CRCP: variants seen among roughly 807,000 people sequenced by gnomAD.
CRCP encodes DNA-directed RNA polymerase III subunit RPC9.
In CRCP, 18 loss-of-function variants were observed where a neutral mutation model predicts 18.5. That is an observed-to-expected ratio of 0.97 (90% CI 0.67 to 1.44). The LOEUF is 1.44. Among genes scored for constraint, CRCP ranks in the 40% most tolerant of loss-of-function variants. The pLI, the probability that CRCP is intolerant of heterozygous loss-of-function variation, is 0.00. For missense variants in CRCP, 130 were observed against 176.4 expected, an observed-to-expected ratio of 0.74 and a Z score of 1.49; for synonymous variants, 53 against 62.9, an observed-to-expected ratio of 0.84 and a Z score of 0.75.
At chr7:66,129,459 A>G (rs1787722901) in intron 2 of CRCP, among the ~76,000 whole-genome samples, 1 of 152,108 alleles carries the variant, frequency 6.6e-6, no homozygotes, top group African/African-American at 2.4e-5. Context: ...TGACCACTGT[A>G]CTCCAGTCTG....
At chr7:66,142,784 A>C (rs1788178923) in intron 4 of CRCP, among the ~76,000 whole-genome samples, 2 of 152,302 alleles carry the variant, frequency 1.3e-5, no homozygotes, top group East Asian at 3.9e-4. Context: ...GATGTGAGCC[A>C]CCGTGCCTGG....
At chr7:66,119,738 CAT>C (rs1787375837) in intron 1 of CRCP, 1 of 152,218 alleles carries the variant, frequency 6.6e-6, no homozygotes, top group South Asian at 2.1e-4. Context: ...ACCAACTTGT[CAT>C]ATCTGATGCA....
At chr7:66,128,072 G>A (rs566092882) in intron 2 of CRCP, among the ~76,000 whole-genome samples, 1 of 147,230 alleles carries the variant, frequency 6.8e-6, no homozygotes, top group South Asian at 2.1e-4. Context: ...ACTAAGATGT[G>A]CCACTGCACT....
chr7:66,121,859 A>G (rs188202070), intron 1 of CRCP, among the ~76,000 whole-genome samples: 1 of 152,286 alleles, frequency 6.6e-6, no homozygotes, highest in East Asian at 1.9e-4. Flanking sequence ...GGTAATAGGT[A>G]CTATAACAAC....
chr7:66,119,948 T>C (rs1787384554), intron 1 of CRCP, among the ~76,000 whole-genome samples: 2 of 152,084 alleles, frequency 1.3e-5, no homozygotes, highest in Non-Finnish European at 2.9e-5. Flanking sequence ...TTTGGGAGGC[T>C]GAGTGGGGCG....
At position 66,130,731 on chromosome 7, in the gene CRCP, T is replaced by C. The variant is rs575570022; in HGVS notation, c.46-13T>C. ...AATTTATTCATAAACGTCTTTTTTGTATCTCCTCCTAGGTATTTCAGTTAC... is the reference window on the plus strand; with the variant it reads ...AATTTATTCATAAACGTCTTTTTTGCATCTCCTCCTAGGTATTTCAGTTAC... On this transcript the variant is annotated splice_polypyrimidine_tract_variant and intron_variant, in intron 2 of 5. Transcript: ENST00000395326. The C allele has an allele frequency of 1.2e-4, 185 of 1,506,194 alleles. 2 individuals carry two copies. The South Asian group carries it at 1.9e-3, about 16-fold the overall frequency. The allele number at this position is 1,506,194 out of a possible 1,614,324, so 93.3% of individuals were successfully genotyped here.
chr7:66,136,906 C>T (rs1787986697), intron 4 of CRCP, among the ~76,000 whole-genome samples: 2 of 151,346 alleles, frequency 1.3e-5, no homozygotes, highest in African/African-American at 2.4e-5. Flanking sequence ...GGTGAAACCC[C>T]GTCTCTACTA....
At position 66,134,359 on chromosome 7, in the gene CRCP, G is replaced by A. The variant is rs1202882520; in HGVS notation, c.224G>A (p.Ser75Asn). Reference sequence around the variant, plus strand: ...AGAGAATTTCTCACAGCATTGAAAAGCCACAAGTTGACCAAGTAAGTAAAT... The same window carrying A: ...AGAGAATTTCTCACAGCATTGAAAAACCACAAGTTGACCAAGTAAGTAAAT... ...IVREFLTALK[S>N]HKLTKAEKLQ... is the part of the protein sequence containing the mutation. Residue 75 changes from serine (S) to asparagine (N), a missense_variant, in exon 4 of 6, where the codon AGC (serine) becomes AAC (asparagine). Coordinates refer to ENST00000395326, the MANE Select transcript of CRCP (RefSeq NM_014478.5). 2 of 1,606,654 alleles carry A rather than the reference G, an allele frequency of 1.2e-6. No individual in the cohort carries two copies. The highest frequency in any genetic ancestry group is 1.1e-5 in the South Asian group (1 of 90,398).
intron 2 of CRCP, among the ~76,000 whole-genome samples, 187 bp from the exon 3 acceptor site, chr7:66,130,557 G>T (rs1212992691): frequency 6.6e-6 from 1 of 152,112 alleles, no homozygotes; most frequent in African/African-American, 2.4e-5. Flanking sequence ...TTATATAAAA[G>T]AACATTTTTT....
chr7:66,119,062 C>A (rs147970296), intron 1 of CRCP, among the ~76,000 whole-genome samples: 1 of 152,152 alleles, frequency 6.6e-6, no homozygotes, highest in Non-Finnish European at 1.5e-5. Context: ...CTGCCCCTTA[C>A]CCAGTAGGAA....
chr7:66,117,699 G>A (rs1040382127), intron 1 of CRCP, among the ~76,000 whole-genome samples: 1 of 152,114 alleles, frequency 6.6e-6, no homozygotes, highest in Non-Finnish European at 1.5e-5. Context: ...GTAATGATTG[G>A]AACATGTCGC....
chr7:66,134,432 A>C, intron 4 of CRCP, 58 bp downstream of exon 4: 1 of 1,166,212 alleles, frequency 8.6e-7, no homozygotes, highest in Non-Finnish European at 1.3e-6. Flanking sequence ...TAGTTGCTAC[A>C]TTCGTAGCAA....
intron 4 of CRCP, 97 bp downstream of exon 4, chr7:66,134,471 A>T (rs1222295804): frequency 2.3e-6 from 2 of 876,482 alleles, no homozygotes; most frequent in Non-Finnish European, 3.7e-6. Context: ...CTGGGTTTGG[A>T]TTTAAAGAAG....
At chr7:66,127,913 C>T (rs1483635505) in intron 2 of CRCP, among the ~76,000 whole-genome samples, 173 bp downstream of exon 2, 2 of 152,048 alleles carry the variant, frequency 1.3e-5, no homozygotes, top group African/African-American at 2.4e-5. Context: ...GAGTTCAAAA[C>T]TAGCCTGGCC....
chr7:66,134,249 T>C, intron 3 of CRCP, 31 bp from the exon 4 acceptor site: 1 of 1,446,548 alleles, frequency 6.9e-7, no homozygotes, highest in Non-Finnish European at 9.4e-7. Flanking sequence ...GTCTTATGCT[T>C]GGCTTTTTTC....
At position 66,152,607 on chromosome 7, in the gene CRCP, G is replaced by T. The variant is rs114209437; in HGVS notation, c.*250G>T. The T allele has an allele frequency of 2.1e-4, 101 of 478,760 alleles. No homozygotes were observed. Among genetic ancestry groups the T allele is most frequent in the African/African-American group, 1.9e-3 (96 of 51,340 alleles). The allele number at this position is 478,760 out of a possible 1,614,324, so 29.7% of individuals were successfully genotyped here. On this transcript the variant is annotated 3_prime_UTR_variant, in exon 6 of 6. Coordinates refer to ENST00000395326, the MANE Select transcript of CRCP (RefSeq NM_014478.5). ...GGGGACAGTGACCGCGGACCCCTCT[G>T]TGCTTGAAAGATTTCCTCCACGGCC...
chr7:66,150,356 A>AACTCTGTCTCAAAAAAAAAAAC (rs1554334963), intron 5 of CRCP, among the ~76,000 whole-genome samples: 1 of 151,400 alleles, frequency 6.6e-6, no homozygotes. Context: ...ACAAGAGTGA[A>AACTCTGTCTCAAAAAAAAAAAC]GGGGGGGAGT....
intron 4 of CRCP, among the ~76,000 whole-genome samples, chr7:66,140,987 T>A (rs1266811280): frequency 6.6e-6 from 1 of 152,208 alleles, no homozygotes; most frequent in Non-Finnish European, 1.5e-5. Flanking sequence ...AGCTCCCTTT[T>A]TTCCACTAAT....
At chr7:66,143,786 C>G (rs920765484) in intron 4 of CRCP, among the ~76,000 whole-genome samples, 12 of 152,210 alleles carry the variant, frequency 7.9e-5, no homozygotes, top group African/African-American at 2.9e-4. Context: ...TATTTACTCT[C>G]TCAGTGTCAG....
Sources: gnomAD v4.1 joint callset for allele counts (sites outside exome capture counted in the v4.1 genomes callset) on GRCh38, gnomAD v4.1.1 for gene constraint, MANE v1.5 for transcripts, NCBI Gene and HGNC (gene_info 2026-07-23, HGNC 2026-07-21) for gene names.